Variants in CPXM2 observed in about 807,000 individuals in gnomAD.
CPXM2 encodes inactive carboxypeptidase-like protein X2.
In CPXM2, 66 loss-of-function variants were observed where a neutral mutation model predicts 86.1. That is an observed-to-expected ratio of 0.77 (90% CI 0.63 to 0.94). The LOEUF (loss-of-function observed/expected upper bound fraction) is 0.94. Ranked by LOEUF, CPXM2 falls within the 40% of genes least tolerant of loss-of-function variation. The probability of loss-of-function intolerance (pLI) is 0.00; values close to 1 mark genes in which losing one functional copy is unlikely to be tolerated. For synonymous variants in CPXM2, 388 were observed against 400.2 expected, an observed-to-expected ratio of 0.97 and a Z score of 0.36; for missense variants, 948 against 1,026.3, an observed-to-expected ratio of 0.92 and a Z score of 1.04.
chr10:123,780,139 G>A lies in CPXM2; in HGVS notation c.978+28C>T, dbSNP rs140387096. ...ATGTTGCTTTTTTGACAAATTCCTG[G>A]CATGAGGCTTTGTGATCTGGGTCTT... On this transcript the variant is annotated intron_variant, in intron 7 of 13. Coordinates refer to ENST00000241305, the MANE Select transcript of CPXM2 (RefSeq NM_198148.3). The A allele has an allele frequency of 2.1e-6, 3 of 1,432,108 alleles. No individual in the cohort carries two copies. The African/African-American group carries it at 4.2e-5, about 20-fold the overall frequency. 88.7% of individuals were successfully genotyped at this position (1,432,108 alleles called of 1,614,324 possible). A position where few individuals can be genotyped will look rare whatever the true frequency, so the allele number is the denominator to read the frequency against.
chr10:123,859,126 G>A (rs1309476185), intron 3 of CPXM2, among the ~76,000 whole-genome samples: 1 of 152,196 alleles, frequency 6.6e-6, no homozygotes, highest in African/African-American at 2.4e-5. Context: ...CACAGCGCTA[G>A]GCTAAACCAG....
intron 4 of CPXM2, among the ~76,000 whole-genome samples, chr10:123,833,024 T>C (rs1848199305): frequency 6.6e-6 from 1 of 152,136 alleles, no homozygotes; most frequent in South Asian, 2.1e-4. Flanking sequence ...AGAGGAGCCC[T>C]CAAAAGACAT....
intron 4 of CPXM2, among the ~76,000 whole-genome samples, chr10:123,835,632 C>A (rs933903901): frequency 6.6e-6 from 1 of 152,222 alleles, no homozygotes; most frequent in African/African-American, 2.4e-5. Context: ...CCAAACATTT[C>A]ATTTCACCCT....
intron 2 of CPXM2, among the ~76,000 whole-genome samples, chr10:123,915,757 G>A (rs1181527849): frequency 1.3e-5 from 2 of 152,116 alleles, no homozygotes; most frequent in Non-Finnish European, 2.9e-5. Flanking sequence ...GCGCATTCAT[G>A]TATTATTTTG....
chr10:123,748,629 C>T (rs544743891), intron 13 of CPXM2, among the ~76,000 whole-genome samples: 1 of 151,964 alleles, frequency 6.6e-6, no homozygotes, highest in African/African-American at 2.4e-5. Flanking sequence ...CTCAGGTGGG[C>T]GGCTCCCTGG....
chr10:123,835,380 A>T (rs1470459356), intron 4 of CPXM2, among the ~76,000 whole-genome samples: 3 of 152,236 alleles, frequency 2.0e-5, no homozygotes, highest in African/African-American at 4.8e-5. Context: ...ATCAACACCC[A>T]GAAAGCCAAG....
chr10:123,824,533 C>T (rs1848004891), intron 4 of CPXM2, among the ~76,000 whole-genome samples: 1 of 152,096 alleles, frequency 6.6e-6, no homozygotes, highest in Non-Finnish European at 1.5e-5. Context: ...TGAGCAAAAT[C>T]CACACCATGA....
At chr10:123,813,049 G>A (rs2134096159) in intron 4 of CPXM2, among the ~76,000 whole-genome samples, 1 of 152,166 alleles carries the variant, frequency 6.6e-6, no homozygotes, top group South Asian at 2.1e-4. Context: ...TTTGAATGTT[G>A]TACAATAGGC....
At chr10:123,750,170 T>G in intron 13 of CPXM2, 1 of 985,380 alleles carries the variant, frequency 1.0e-6, no homozygotes, top group Non-Finnish European at 1.2e-6. Flanking sequence ...TCAAGAAATT[T>G]GTTCTGTCCT....
intron 13 of CPXM2, chr10:123,750,514 C>T: frequency 3.0e-6 from 3 of 985,342 alleles, no homozygotes; most frequent in Non-Finnish European, 2.4e-6. Context: ...CCTTGGCTTT[C>T]CCACCTATTT....
At chr10:123,917,323 A>G (rs1458837546) in intron 2 of CPXM2, among the ~76,000 whole-genome samples, 1 of 152,256 alleles carries the variant, frequency 6.6e-6, no homozygotes, top group Non-Finnish European at 1.5e-5. Context: ...CTTTAATGTC[A>G]TTAAAAATAA....
intron 2 of CPXM2, among the ~76,000 whole-genome samples, chr10:123,932,908 G>C (rs1234810520): frequency 6.6e-6 from 1 of 152,200 alleles, no homozygotes; most frequent in African/African-American, 2.4e-5. Flanking sequence ...GGGGAGAGCT[G>C]GTTCTGTAAA....
At chr10:123,925,307 T>G (rs570599001) in intron 2 of CPXM2, among the ~76,000 whole-genome samples, 1 of 152,276 alleles carries the variant, frequency 6.6e-6, no homozygotes, top group South Asian at 2.1e-4. Context: ...GCTCAGTTCT[T>G]CAGCAAGTTT....
In CPXM2 at chr10:123,770,977, GC is replaced by G. The variant is rs1219782096; in HGVS notation, c.1040del (p.Ser347ThrfsTer5). On this transcript the variant is annotated frameshift_variant, in exon 8 of 14. Transcript: ENST00000241305. LOFTEE classifies it high-confidence loss of function. ...CAGCATACAGCTTCAGGCCCTGGTG[GC>G]TTTTTCCAATGTTGTAAATTCTGGT... ...NITRIYNIGK[S>X]HQGLKLYAVE... 2 of 1,613,750 alleles carry G rather than the reference GC, an allele frequency of 1.2e-6. No homozygotes were observed. Among genetic ancestry groups the G allele is most frequent in the Non-Finnish European group, 1.7e-6 (2 of 1,179,752 alleles).
chr10:123,786,319 C>T (rs545982290), intron 6 of CPXM2, among the ~76,000 whole-genome samples: 42 of 152,208 alleles, frequency 2.8e-4, no homozygotes, highest in South Asian at 2.1e-4. Context: ...CAGAGACGGA[C>T]GGGTGGCAAA....
At chr10:123,859,378 G>A (rs1848806450) in intron 3 of CPXM2, among the ~76,000 whole-genome samples, 1 of 152,252 alleles carries the variant, frequency 6.6e-6, no homozygotes, top group African/African-American at 2.4e-5. Context: ...GGCTCTGGAA[G>A]ACACAAACCA....
At chr10:123,825,503 C>T (rs908222469) in intron 4 of CPXM2, among the ~76,000 whole-genome samples, 31 of 152,250 alleles carry the variant, frequency 2.0e-4, no homozygotes, top group Non-Finnish European at 2.9e-4. Flanking sequence ...AGTTAGTTAC[C>T]GCCTTTGTGC....
intron 3 of CPXM2, among the ~76,000 whole-genome samples, chr10:123,851,803 C>A: frequency 6.7e-6 from 1 of 149,534 alleles, no homozygotes; most frequent in South Asian, 2.1e-4. Flanking sequence ...GGGACAGATG[C>A]ACTTAGTTAA....
intron 13 of CPXM2, among the ~76,000 whole-genome samples, 184 bp from the exon 14 acceptor site, chr10:123,747,201 A>G (rs921297331): frequency 8.5e-5 from 13 of 152,176 alleles, no homozygotes; most frequent in African/African-American, 3.1e-4. Context: ...CCTCTCTGAA[A>G]GCTGCCTTAA....
Sources: gnomAD v4.1 joint callset for allele counts (sites outside exome capture counted in the v4.1 genomes callset) on GRCh38, gnomAD v4.1.1 for gene constraint, MANE v1.5 for transcripts, NCBI Gene and HGNC (gene_info 2026-07-23, HGNC 2026-07-21) for gene names.